The following CRB1 variants were observed in gnomAD, a reference collection of about 807,000 sequenced individuals.
CRB1 encodes crumbs cell polarity complex component 1, also known as protein crumbs homolog 1.
CRB1 carries 83 observed loss-of-function variants against 120.0 expected under a neutral mutation model. The observed-to-expected ratio is 0.69, with a 90% CI of 0.58 to 0.83. The LOEUF is 0.83. Ranked by LOEUF, CRB1 falls within the 40% of genes least tolerant of loss-of-function variation. The probability of loss-of-function intolerance (pLI) is 0.00; values close to 1 mark genes in which losing one functional copy is unlikely to be tolerated. For synonymous variants in CRB1, 625 were observed against 612.5 expected (o/e 1.02, Z -0.30); for missense variants, 1,699 against 1,687.6 (o/e 1.01, Z -0.12).
chr1:197,275,644 G>A (rs1269327473), intron 1 of CRB1, among the ~76,000 whole-genome samples: 1 of 152,060 alleles, frequency 6.6e-6, no homozygotes, highest in East Asian at 1.9e-4. Flanking sequence ...AATTAACTTA[G>A]AGTCTGATCA....
chr1:197,388,029 G>C (rs1441453747), intron 5 of CRB1, among the ~76,000 whole-genome samples: 2 of 151,346 alleles, frequency 1.3e-5, no homozygotes, highest in Non-Finnish European at 2.9e-5. Flanking sequence ...CACACACATA[G>C]TATTTAAGAC....
Position 197,427,652 on chromosome 1 carries a change from C to A in CRB1, c.2327C>A (p.Thr776Asn), listed in dbSNP as rs1293863321. 1 of 1,613,802 alleles carries A rather than the reference C, an allele frequency of 6.2e-7. No individual in the cohort carries two copies. Among genetic ancestry groups the A allele is most frequent in the Non-Finnish European group, 8.5e-7 (1 of 1,179,928 alleles). ...GAGCGCGGCAGACTAGCAATGCTGACTCCAAACTCTCCCAAATTAGTAGTA... is the reference window on the plus strand; with the variant it reads ...GAGCGCGGCAGACTAGCAATGCTGAATCCAAACTCTCCCAAATTAGTAGTA... ...WLERGRLAML[T>N]PNSPKLVVKF... The change falls in exon 7 of 12, where the codon ACT (threonine) becomes AAT (asparagine). Residue 776 changes from threonine to asparagine, a missense_variant. Thr to Asn is a moderately conservative substitution (Grantham distance 65). Coordinates refer to ENST00000367400, the MANE Select transcript of CRB1 (RefSeq NM_201253.3).
intron 1 of CRB1, among the ~76,000 whole-genome samples, chr1:197,325,649 A>G (rs182240571): frequency 8.8e-4 from 134 of 152,316 alleles, no homozygotes; most frequent in South Asian, 2.3e-3. Flanking sequence ...ACCACAGGTG[A>G]CATATTCTTT....
At chr1:197,436,577 G>A (rs1183333002) in intron 9 of CRB1, among the ~76,000 whole-genome samples, 1 of 151,452 alleles carries the variant, frequency 6.6e-6, no homozygotes, top group African/African-American at 2.4e-5. Context: ...CTAATTCAAA[G>A]GACAATCTAA....
At chr1:197,354,574 C>T (rs1484038913) in intron 4 of CRB1, among the ~76,000 whole-genome samples, 2 of 151,962 alleles carry the variant, frequency 1.3e-5, no homozygotes, top group Non-Finnish European at 2.9e-5. Context: ...CACGTCTGGC[C>T]GCGTCTGGAG....
chr1:197,470,440 T>G (rs1666934340), intron 11 of CRB1, among the ~76,000 whole-genome samples: 1 of 152,218 alleles, frequency 6.6e-6, no homozygotes, highest in East Asian at 1.9e-4. Flanking sequence ...GGCAAACCAC[T>G]GACACAGGGT....
intron 11 of CRB1, among the ~76,000 whole-genome samples, chr1:197,460,919 A>T (rs1666500502): frequency 6.6e-6 from 1 of 152,186 alleles, no homozygotes; most frequent in South Asian, 2.1e-4. Context: ...CTTAAAGAAC[A>T]GGTCTAGGGG....
At position 197,344,349 on chromosome 1, in the gene CRB1, G is replaced by T; in HGVS notation, c.721G>T (p.Asp241Tyr). 6.2e-7 allele frequency: 1 copy of T among 1,614,148 alleles called. No individual in the cohort carries two copies. The highest frequency in any genetic ancestry group is 8.5e-7 in the Non-Finnish European group (1 of 1,180,010). The change falls in exon 3 of 12, where the codon GAT (aspartate) becomes TAT (tyrosine). Residue 241 changes from aspartate to tyrosine, a missense_variant. Coordinates refer to ENST00000367400, the MANE Select transcript of CRB1 (RefSeq NM_201253.3). ...QPCLNGATCQ[D>Y]ALGAYFCDCA... ...TTGTTTAAATGGTGCAACTTGTCAG[G>T]ATGCTCTGGGGGCCTATTTCTGCGA...
intron 5 of CRB1, among the ~76,000 whole-genome samples, chr1:197,370,511 A>G (rs1281567184): frequency 6.6e-6 from 1 of 152,062 alleles, no homozygotes; most frequent in Non-Finnish European, 1.5e-5. Context: ...AACAAAATCA[A>G]CTCCAAAAGG....
rs141515752 is a variant in CRB1 at position 197,330,385 on chromosome 1, G to A, written c.652+1382G>A. The stretch of plus-strand genomic sequence containing the variant: ...AACTTTTCTAAAATAGACCTATGCC[G>A]TAGTTCTGAAGAGCCTTGAGAGCTT... On this transcript the variant is annotated intron_variant, in intron 2 of 11. Transcript: ENST00000367400. 3.0e-3 allele frequency among the ~76,000 whole-genome samples: 452 copies of A among 152,236 alleles called. 1 individual carries two copies. The highest frequency in any genetic ancestry group is 0.01 in the African/African-American group (430 of 41,528).
chr1:197,303,604 T>C (rs1410051539), intron 1 of CRB1, among the ~76,000 whole-genome samples: 12 of 151,778 alleles, frequency 7.9e-5, no homozygotes, highest in Admixed American at 7.9e-4. Context: ...AAGTCAAATA[T>C]CATGAAATTC....
chr1:197,251,693 A>G, the CRB1 span, among the ~76,000 whole-genome samples: 2 of 151,682 alleles, frequency 1.3e-5, no homozygotes, highest in Admixed American at 6.6e-5. Flanking sequence ...AATTCCTTAA[A>G]TTTTTTTCTA....
chr1:197,474,625 G>A (rs1202273341), intron 11 of CRB1, among the ~76,000 whole-genome samples: 2 of 152,128 alleles, frequency 1.3e-5, no homozygotes, highest in East Asian at 3.9e-4. Flanking sequence ...GATCTGGGAA[G>A]CCTCAGTTTA....
intron 1 of CRB1, among the ~76,000 whole-genome samples, chr1:197,287,653 CAT>C (rs1217137557): frequency 1.3e-5 from 2 of 151,752 alleles, no homozygotes; most frequent in Non-Finnish European, 2.9e-5. Flanking sequence ...AAAATTTCCT[CAT>C]GTGCAGTTTA....
chr1:197,257,432 C>T, the CRB1 span, among the ~76,000 whole-genome samples: 1 of 152,136 alleles, frequency 6.6e-6, no homozygotes. Context: ...CAAGTTGACA[C>T]ATACAATTAA....
At chr1:197,320,563 G>T (rs1658130656) in intron 1 of CRB1, among the ~76,000 whole-genome samples, 2 of 152,108 alleles carry the variant, frequency 1.3e-5, no homozygotes, top group African/African-American at 4.8e-5. Flanking sequence ...ACAGGAATGT[G>T]GTACAGGAGT....
At chr1:197,284,081 T>A (rs779971331) in intron 1 of CRB1, among the ~76,000 whole-genome samples, 8 of 151,960 alleles carry the variant, frequency 5.3e-5, no homozygotes, top group Non-Finnish European at 1.2e-4. Context: ...ATAATTATTT[T>A]AAACTGCATA....
chr1:197,471,897 A>G (rs144138233), intron 11 of CRB1, among the ~76,000 whole-genome samples: 281 of 152,336 alleles, frequency 1.8e-3, no homozygotes, highest in African/African-American at 6.5e-3. Context: ...CAGAATAGCA[A>G]TTCACAAGAA....
the CRB1 span, among the ~76,000 whole-genome samples, chr1:197,220,602 A>T: frequency 3.3e-5 from 5 of 152,184 alleles, no homozygotes; most frequent in African/African-American, 7.2e-5. Context: ...AATGACAGCT[A>T]ATGTTTGGCA....
Sources: allele counts gnomAD v4.1 joint callset (sites outside exome capture counted in the v4.1 genomes callset), GRCh38; gene constraint gnomAD v4.1.1; transcripts MANE v1.5; gene names NCBI Gene and HGNC (gene_info 2026-07-23, HGNC 2026-07-21).